LDLRAD4: variants seen among roughly 807,000 people sequenced by gnomAD.
LDLRAD4 encodes low-density lipoprotein receptor class A domain-containing protein 4.
In LDLRAD4, 5 loss-of-function variants were observed where a neutral mutation model predicts 17.0. The ratio of observed to expected loss-of-function variants is 0.29; its 90% CI spans 0.15 to 0.62. The LOEUF is 0.62. Ranked by LOEUF, LDLRAD4 falls within the 20% of genes least tolerant of loss-of-function variation. LDLRAD4 has a pLI of 0.84. For synonymous variants in LDLRAD4, 168 were observed against 171.8 expected (o/e 0.98, Z 0.17); for missense variants, 340 against 424.7 (o/e 0.80, Z 1.75).
intron 3 of LDLRAD4, among the ~76,000 whole-genome samples, chr18:13,594,882 G>A (rs1278169427): frequency 6.6e-6 from 1 of 151,876 alleles, no homozygotes; most frequent in African/African-American, 2.4e-5. Flanking sequence ...TTTATTTCCT[G>A]GGAAGTTTTA....
At chr18:13,579,567 C>T (rs150138399) in intron 3 of LDLRAD4, among the ~76,000 whole-genome samples, 2 of 152,308 alleles carry the variant, frequency 1.3e-5, no homozygotes, top group Non-Finnish European at 2.9e-5. Context: ...TGGTGATTGG[C>T]ATGGATGGGA....
chr18:13,430,845 C>T (rs1232815955), intron 2 of LDLRAD4, among the ~76,000 whole-genome samples: 6 of 152,196 alleles, frequency 3.9e-5, no homozygotes, highest in South Asian at 4.1e-4. Flanking sequence ...TCACCTTCTC[C>T]GCTGCCCTCC....
At chr18:13,302,008 G>A (rs1258720008) in intron 1 of LDLRAD4, among the ~76,000 whole-genome samples, 6 of 152,210 alleles carry the variant, frequency 3.9e-5, no homozygotes, top group Middle Eastern at 3.4e-3. Context: ...TCCCAGATAC[G>A]TACATATAAA....
intron 1 of LDLRAD4, among the ~76,000 whole-genome samples, chr18:13,318,264 A>G (rs772014943): frequency 2.3e-4 from 35 of 151,682 alleles, no homozygotes; most frequent in Non-Finnish European, 3.8e-4. Context: ...TTCATAGTGA[A>G]ATCTTTTTTT....
chr18:13,571,730 G>A (rs1201168951), intron 3 of LDLRAD4, among the ~76,000 whole-genome samples: 5 of 152,124 alleles, frequency 3.3e-5, no homozygotes, highest in South Asian at 2.1e-4. Context: ...TCCGCCTCCC[G>A]GGTTCACGTC....
In LDLRAD4 at chr18:13,459,159, C is replaced by CAAAAAAAA. The variant is rs534798084; in HGVS notation, c.181+20800_181+20807dup. Reference sequence around the variant, plus strand: ...ACATAGTGAGACTCCATCTCTACACCAAAAAAAAAAAAAAAAAAAAAAAAA... The same window carrying CAAAAAAAA: ...ACATAGTGAGACTCCATCTCTACACCAAAAAAAAAAAAAAAAAAAAAAAAAAAAAAAAA... On this transcript the variant is annotated intron_variant, in intron 3 of 5. Transcript: ENST00000359446. Among the ~76,000 whole-genome samples, 58 of 53,742 alleles carry CAAAAAAAA rather than the reference C, an allele frequency of 1.1e-3. 5 individuals carry two copies. Among genetic ancestry groups the CAAAAAAAA allele is most frequent in the African/African-American group, 3.1e-3 (52 of 16,606 alleles). 35.3% of individuals were successfully genotyped at this position (53,742 alleles called of 152,430 possible).
intron 3 of LDLRAD4, among the ~76,000 whole-genome samples, chr18:13,445,356 T>C (rs2091316926): frequency 6.6e-6 from 1 of 152,108 alleles, no homozygotes; most frequent in South Asian, 2.1e-4. Flanking sequence ...AGTGTGTGGG[T>C]GTCAGAGAGT....
chr18:13,379,270 T>C (rs1447659415), intron 1 of LDLRAD4, among the ~76,000 whole-genome samples: 2 of 152,234 alleles, frequency 1.3e-5, no homozygotes, highest in African/African-American at 2.4e-5. Context: ...GCCTGTGCAG[T>C]AAACTCCCAG....
intron 1 of LDLRAD4, among the ~76,000 whole-genome samples, chr18:13,242,272 T>C (rs1043488200): frequency 6.6e-6 from 1 of 152,252 alleles, no homozygotes; most frequent in African/African-American, 2.4e-5. Flanking sequence ...TTTTACCCGG[T>C]CACGTCAGTG....
intron 2 of LDLRAD4, among the ~76,000 whole-genome samples, chr18:13,426,677 A>G (rs1044888124): frequency 6.6e-6 from 1 of 152,222 alleles, no homozygotes; most frequent in African/African-American, 2.4e-5. Flanking sequence ...TCTTTTAAGT[A>G]CCAAGTCTCC....
intron 3 of LDLRAD4, among the ~76,000 whole-genome samples, chr18:13,583,819 C>T (rs2094899347): frequency 6.6e-6 from 1 of 152,114 alleles, no homozygotes; most frequent in East Asian, 1.9e-4. Context: ...TCTCGCTTTG[C>T]CTTTCACAGT....
chr18:13,553,850 G>T (rs1027449879), intron 3 of LDLRAD4, among the ~76,000 whole-genome samples: 1 of 152,134 alleles, frequency 6.6e-6, no homozygotes, highest in African/African-American at 2.4e-5. Flanking sequence ...GCGTGTCTAT[G>T]ACCTAGGAGA....
chr18:13,219,145 C>A (rs1040320501), intron 1 of LDLRAD4, among the ~76,000 whole-genome samples, 157 bp downstream of exon 1: 41 of 150,588 alleles, frequency 2.7e-4, no homozygotes, highest in African/African-American at 3.4e-4. Context: ...GACAGGGACG[C>A]ATGGTGGGTG....
intron 1 of LDLRAD4, among the ~76,000 whole-genome samples, chr18:13,354,633 C>T (rs2083234028): frequency 6.6e-6 from 1 of 152,184 alleles, no homozygotes; most frequent in Non-Finnish European, 1.5e-5. Flanking sequence ...GGGAATGAAT[C>T]AGTGATCAGC....
chr18:13,290,560 T>TA (rs75826861), intron 1 of LDLRAD4, among the ~76,000 whole-genome samples: 348 of 145,638 alleles, frequency 2.4e-3, no homozygotes, highest in Middle Eastern at 7.1e-3. Context: ...AGGTATTCTT[T>TA]AAAAAAAAAA....
chr18:13,643,440 C>T (rs573992951), intron 5 of LDLRAD4, 28 bp downstream of exon 6: 5,051 of 132,444 alleles, frequency 0.038, 32 homozygotes, highest in Non-Finnish European at 0.046. Flanking sequence ...GTGATGGCTG[C>T]GGGGGGCGGG....
chr18:13,429,109 G>A (rs973064617), intron 2 of LDLRAD4, among the ~76,000 whole-genome samples: 1 of 152,136 alleles, frequency 6.6e-6, no homozygotes, highest in African/African-American at 2.4e-5. Flanking sequence ...GGTGTGGAGA[G>A]GAGTGCAGTG....
At chr18:13,221,541 T>A (rs994796485) in intron 1 of LDLRAD4, among the ~76,000 whole-genome samples, 4 of 152,204 alleles carry the variant, frequency 2.6e-5, no homozygotes. Flanking sequence ...GACCTGCCAC[T>A]TTTTAGGGAC....
rs1267840695 is a variant in LDLRAD4 at position 13,398,085 on chromosome 18, C to G, written c.40+10323C>G. Among the ~76,000 whole-genome samples, 12 of 152,116 alleles carry G rather than the reference C, an allele frequency of 7.9e-5. No homozygotes were observed. The highest frequency in any genetic ancestry group is 7.9e-4 in the Admixed American group (12 of 15,268). ...GGACGCAGTGGCCAGTGGGGGCCAC[C>G]ATGTCAGGGTTGAAAGTGGGGCTGT... On this transcript the variant is annotated intron_variant, in intron 2 of 5. Coordinates refer to ENST00000359446, the Ensembl canonical transcript of LDLRAD4. The surrounding 1 kb of genome is among the most constrained non-coding windows in gnomAD (Gnocchi z 4.8).
Sources: gnomAD v4.1 joint callset for allele counts (sites outside exome capture counted in the v4.1 genomes callset) on GRCh38, gnomAD v4.1.1 for gene constraint, Gnocchi (gnomAD v3.1) non-coding constraint, MANE v1.5 for transcripts, NCBI Gene and HGNC (gene_info 2026-07-23, HGNC 2026-07-21) for gene names.